The following ROBO2 variants were observed in gnomAD, a reference collection of about 807,000 sequenced individuals.
ROBO2 encodes roundabout guidance receptor 2.
In ROBO2, 53 loss-of-function variants were observed where a neutral mutation model predicts 160.8. The observed-to-expected ratio is 0.33, with a 90% CI of 0.26 to 0.41. ROBO2 has a LOEUF of 0.41. ROBO2 is among the 10% of genes least tolerant of loss of function. The pLI, the probability that ROBO2 is intolerant of heterozygous loss-of-function variation, is 1.00. For synonymous variants in ROBO2, 664 were observed against 611.7 expected (o/e 1.09, Z -1.26); for missense variants, 1,577 against 1,722.4 (o/e 0.92, Z 1.49).
intron 2 of ROBO2, among the ~76,000 whole-genome samples, chr3:76,207,392 G>C (rs954719718): frequency 6.6e-6 from 1 of 152,086 alleles, no homozygotes; most frequent in African/African-American, 2.4e-5. Context: ...CGAAGTGTTA[G>C]TTACATGTGG....
intron 2 of ROBO2, among the ~76,000 whole-genome samples, chr3:76,436,890 G>A (rs1475654198): frequency 1.3e-5 from 2 of 152,112 alleles, no homozygotes; most frequent in African/African-American, 4.8e-5. Flanking sequence ...CAAGCAATAT[G>A]CAGAATCACT....
chr3:77,590,228 T>C (rs2094148467), intron 17 of ROBO2, among the ~76,000 whole-genome samples: 1 of 152,126 alleles, frequency 6.6e-6, no homozygotes, highest in South Asian at 2.1e-4. Flanking sequence ...GCATATCCAT[T>C]GACAAGAGGC....
chr3:77,449,578 G>A (rs139153089), intron 2 of ROBO2, among the ~76,000 whole-genome samples: 408 of 152,102 alleles, frequency 2.7e-3, no homozygotes, highest in African/African-American at 9.2e-3. Context: ...GTTTCCATTA[G>A]AGTTCACTGA....
intron 1 of ROBO2, among the ~76,000 whole-genome samples, chr3:77,076,257 G>T (rs1477919066): frequency 1.3e-5 from 2 of 151,940 alleles, no homozygotes; most frequent in Non-Finnish European, 1.5e-5. Flanking sequence ...GTCCATTTTA[G>T]TGTGTTATCT....
At chr3:76,619,350 A>AG (rs1376264428) in intron 2 of ROBO2, among the ~76,000 whole-genome samples, 1 of 151,462 alleles carries the variant, frequency 6.6e-6, no homozygotes, top group East Asian at 1.9e-4. Context: ...AAAAAAAAAA[A>AG]AAGAAAAAAA....
At chr3:76,817,450 T>C (rs953865773) in intron 2 of ROBO2, among the ~76,000 whole-genome samples, 11 of 152,110 alleles carry the variant, frequency 7.2e-5, no homozygotes, top group Admixed American at 5.9e-4. Flanking sequence ...AAGAAGACAA[T>C]TGGTAAAGAG....
At chr3:75,998,939 C>T (rs987501589) in intron 2 of ROBO2, among the ~76,000 whole-genome samples, 1 of 152,180 alleles carries the variant, frequency 6.6e-6, no homozygotes, top group Admixed American at 6.5e-5. Context: ...TCTCTTTCAA[C>T]ATTGTCTTCA....
chr3:76,829,197 C>A (rs570883477), intron 2 of ROBO2, among the ~76,000 whole-genome samples: 18 of 152,268 alleles, frequency 1.2e-4, no homozygotes, highest in Admixed American at 3.3e-4. Context: ...GTGTCTTCTT[C>A]CTCACCTTTA....
At chr3:77,006,494 G>A (rs1170815961) in intron 2 of ROBO2, among the ~76,000 whole-genome samples, 1 of 151,960 alleles carries the variant, frequency 6.6e-6, no homozygotes, top group Non-Finnish European at 1.5e-5. Context: ...ATCTGCAAAA[G>A]TGACAAGAGG....
intron 2 of ROBO2, among the ~76,000 whole-genome samples, chr3:76,511,133 A>C (rs544961854): frequency 1.3e-5 from 2 of 152,322 alleles, no homozygotes; most frequent in East Asian, 3.9e-4. Context: ...AAGACACTGA[A>C]TGCAGCTGAC....
intron 2 of ROBO2, among the ~76,000 whole-genome samples, chr3:76,726,836 T>C (rs576207651): frequency 1.3e-5 from 2 of 152,294 alleles, no homozygotes; most frequent in South Asian, 4.1e-4. Context: ...GCAAAGAACA[T>C]TTTTTATTCA....
chr3:77,509,249 G>C (rs933115531), intron 5 of ROBO2, among the ~76,000 whole-genome samples: 1 of 152,002 alleles, frequency 6.6e-6, no homozygotes, highest in Non-Finnish European at 1.5e-5. Context: ...GTAGGAAGGA[G>C]GGTAGAAAGG....
chr3:77,275,729 A>G (rs2059783387), intron 2 of ROBO2, among the ~76,000 whole-genome samples: 1 of 152,152 alleles, frequency 6.6e-6, no homozygotes, highest in South Asian at 2.1e-4. Context: ...ATAAAGTTTA[A>G]TAGTATAAAT....
intron 4 of ROBO2, 112 bp from the exon 5 acceptor site, chr3:77,493,132 A>T: frequency 9.8e-7 from 1 of 1,015,420 alleles, no homozygotes; most frequent in Non-Finnish European, 1.5e-6. Flanking sequence ...GTACAGAGTT[A>T]GGTACCTGTG....
At chr3:77,622,397 G>T in exon 23 of ROBO2, 1 of 1,614,088 alleles carries the variant, frequency 6.2e-7, no homozygotes, top group South Asian at 1.1e-5. Context: ...CAGACTCCTG[G>T]ATCCAGCATG....
intron 2 of ROBO2, among the ~76,000 whole-genome samples, chr3:76,898,864 A>C (rs2075014564): frequency 6.6e-6 from 1 of 152,166 alleles, no homozygotes; most frequent in Non-Finnish European, 1.5e-5. Context: ...TGCAGCATAG[A>C]AAGAAAAAGA....
intron 2 of ROBO2, among the ~76,000 whole-genome samples, chr3:76,141,254 A>G (rs1213641922): frequency 1.4e-5 from 2 of 141,918 alleles, no homozygotes; most frequent in African/African-American, 2.6e-5. Flanking sequence ...CTGAACATGA[A>G]ATGATTCATG....
At chr3:77,342,328 A>G (rs1560576728) in intron 2 of ROBO2, among the ~76,000 whole-genome samples, 1 of 152,148 alleles carries the variant, frequency 6.6e-6, no homozygotes, top group Non-Finnish European at 1.5e-5. Context: ...TCGAAAGCGT[A>G]AGATGTGTCA....
chr3:76,657,071 T>C (rs1235037635), intron 2 of ROBO2, among the ~76,000 whole-genome samples: 1 of 152,264 alleles, frequency 6.6e-6, no homozygotes, highest in South Asian at 2.1e-4. Context: ...CTCTTTTTTT[T>C]CCCTATACTT....
Sources: allele counts gnomAD v4.1 joint callset (sites outside exome capture counted in the v4.1 genomes callset), GRCh38; gene constraint gnomAD v4.1.1; transcripts MANE v1.5; gene names NCBI Gene and HGNC (gene_info 2026-07-23, HGNC 2026-07-21).